The following NCAM2 variants were observed in gnomAD, a reference collection of about 807,000 sequenced individuals.
The protein encoded by NCAM2 is neural cell adhesion molecule 2, also known as N-CAM-2.
Under a neutral mutation model 98.1 loss-of-function variants are expected in NCAM2, and 30 were observed. The ratio of observed to expected loss-of-function variants is 0.31; its 90% CI spans 0.23 to 0.41. The LOEUF is 0.41. Ranked by LOEUF, NCAM2 falls within the 10% of genes least tolerant of loss-of-function variation. NCAM2 has a pLI of 1.00. For missense variants in NCAM2, 867 were observed against 1,005.8 expected (o/e 0.86, Z 1.87); for synonymous variants, 368 against 342.4 (o/e 1.07, Z -0.83).
intron 9 of NCAM2, among the ~76,000 whole-genome samples, chr21:21,407,852 C>T (rs148921287): frequency 8.5e-5 from 13 of 152,148 alleles, no homozygotes; most frequent in East Asian, 3.9e-4. Flanking sequence ...AAGATATAGA[C>T]GTAAACTTAG....
intron 15 of NCAM2, among the ~76,000 whole-genome samples, chr21:21,496,484 T>C (rs1987244604): frequency 1.3e-5 from 2 of 152,110 alleles, no homozygotes; most frequent in African/African-American, 4.8e-5. Context: ...GCTGGTTGAT[T>C]TAAGTTCCCC....
At chr21:21,202,469 TGC>T (rs994688425) in intron 1 of NCAM2, among the ~76,000 whole-genome samples, 6 of 121,976 alleles carry the variant, frequency 4.9e-5, no homozygotes, top group Admixed American at 4.7e-4. Flanking sequence ...CAGGCTGGAG[TGC>T]AATGGTGCAA....
intron 9 of NCAM2, among the ~76,000 whole-genome samples, chr21:21,386,241 T>C (rs1400570236): frequency 6.6e-6 from 1 of 152,190 alleles, no homozygotes; most frequent in Non-Finnish European, 1.5e-5. Flanking sequence ...GTAAATAAGA[T>C]GTGAACATAA....
In NCAM2 at chr21:21,466,735, C is replaced by T; in HGVS notation, c.1774+10C>T. 1 of 1,591,810 alleles carries T rather than the reference C, an allele frequency of 6.3e-7. No individual in the cohort carries two copies. The highest frequency in any genetic ancestry group is 8.5e-7 in the Non-Finnish European group (1 of 1,170,072). On this transcript the variant is annotated intron_variant, in intron 13 of 17. Coordinates refer to ENST00000400546, the MANE Select transcript of NCAM2 (RefSeq NM_004540.5). ...CAAACATTACCAGTTCGTAAGTAAT[C>T]ATCTCTATTTTTTATTCTCTTTTGT...
At chr21:21,378,330 C>G (rs889130650) in intron 9 of NCAM2, among the ~76,000 whole-genome samples, 20 of 152,014 alleles carry the variant, frequency 1.3e-4, no homozygotes, top group African/African-American at 4.8e-4. Flanking sequence ...TCTACTTCCT[C>G]TTCAGTACTT....
At chr21:21,304,975 G>A (rs1041553235) in intron 5 of NCAM2, among the ~76,000 whole-genome samples, 3 of 152,050 alleles carry the variant, frequency 2.0e-5, no homozygotes, top group African/African-American at 4.8e-5. Context: ...ATTTATTATA[G>A]TAGTTCATAA....
chr21:21,330,442 A>G (rs1461573902), intron 6 of NCAM2, among the ~76,000 whole-genome samples: 1 of 152,054 alleles, frequency 6.6e-6, no homozygotes, highest in Non-Finnish European at 1.5e-5. Flanking sequence ...TATATTTCAT[A>G]AATATTACTG....
chr21:21,358,393 T>C (rs1177736944), intron 8 of NCAM2, among the ~76,000 whole-genome samples: 1 of 152,066 alleles, frequency 6.6e-6, no homozygotes, highest in East Asian at 1.9e-4. Context: ...ATTTTGAAAA[T>C]GTCCAGAAAT....
At chr21:21,125,025 C>G (rs139270057) in intron 1 of NCAM2, among the ~76,000 whole-genome samples, 3 of 151,998 alleles carry the variant, frequency 2.0e-5, no homozygotes, top group Non-Finnish European at 4.4e-5. Flanking sequence ...AATAAATGCT[C>G]AAAACTCACC....
chr21:21,516,405 A>C (rs1379114843), intron 16 of NCAM2, among the ~76,000 whole-genome samples: 2 of 152,116 alleles, frequency 1.3e-5, no homozygotes, highest in Non-Finnish European at 2.9e-5. Flanking sequence ...CTAAGGCAGA[A>C]GTAATCATTA....
Position 21,410,406 on chromosome 21 carries a change from C to T in NCAM2, c.1328C>T (p.Ala443Val). The T allele has an allele frequency of 1.9e-6, 3 of 1,596,052 alleles. No homozygotes were observed. Among genetic ancestry groups the T allele is most frequent in the Non-Finnish European group, 2.6e-6 (3 of 1,170,892 alleles). Residue 443 changes from alanine (A) to valine (V), a missense_variant, in exon 10 of 18, where the codon GCT becomes GTT. Physicochemically the swap from Ala to Val is moderately conservative, Grantham distance 64. Transcript: ENST00000400546. ...HWRRDKLVLP[A>V]KNTTNLKTYS... ...AGAAGAGATAAATTAGTCTTACCTG[C>T]TAAAAACACGACCAATTTAAAGACT...
intron 1 of NCAM2, among the ~76,000 whole-genome samples, chr21:21,110,913 C>T (rs556124694): frequency 6.6e-6 from 1 of 152,056 alleles, no homozygotes; most frequent in South Asian, 2.1e-4. Flanking sequence ...GGAAAAAGGG[C>T]TCCTGGACAT....
chr21:21,247,678 A>G (rs1442313210), intron 1 of NCAM2, among the ~76,000 whole-genome samples: 5 of 152,194 alleles, frequency 3.3e-5, no homozygotes, highest in African/African-American at 1.2e-4. Context: ...CTATGTAATT[A>G]CAGTATTACG....
chr21:21,478,678 T>C (rs750232522), intron 15 of NCAM2, among the ~76,000 whole-genome samples: 11 of 152,232 alleles, frequency 7.2e-5, no homozygotes, highest in Non-Finnish European at 1.5e-4. Context: ...AAGTAAAAAG[T>C]CCCTGGAAAT....
intron 1 of NCAM2, among the ~76,000 whole-genome samples, chr21:21,041,745 CAG>C (rs1015953852): frequency 2.0e-5 from 3 of 152,262 alleles, no homozygotes; most frequent in Admixed American, 1.3e-4. Flanking sequence ...TATATAGTAA[CAG>C]AGAGAGAAAG....
At chr21:21,001,690 A>G (rs928172406) in intron 1 of NCAM2, among the ~76,000 whole-genome samples, 4 of 152,224 alleles carry the variant, frequency 2.6e-5, no homozygotes, top group Non-Finnish European at 4.4e-5. Context: ...CATATGTAAG[A>G]TAGAAGCACT....
intron 1 of NCAM2, among the ~76,000 whole-genome samples, chr21:21,078,668 A>C (rs1327029859): frequency 6.6e-6 from 1 of 152,230 alleles, no homozygotes; most frequent in Non-Finnish European, 1.5e-5. Flanking sequence ...CATTTGACCC[A>C]GCAATCCCAT....
chr21:21,534,079 C>A (rs998093136), intron 16 of NCAM2, among the ~76,000 whole-genome samples: 5 of 151,736 alleles, frequency 3.3e-5, no homozygotes, highest in Non-Finnish European at 7.4e-5. Context: ...ATAAAAGCAA[C>A]CCTTCTGAAG....
At chr21:21,332,131 C>T (rs916046716) in intron 6 of NCAM2, among the ~76,000 whole-genome samples, 1 of 152,012 alleles carries the variant, frequency 6.6e-6, no homozygotes, top group East Asian at 1.9e-4. Flanking sequence ...TCTGTAACTC[C>T]TGACCTTGTG....
Sources: allele counts gnomAD v4.1 joint callset (sites outside exome capture counted in the v4.1 genomes callset), GRCh38; gene constraint gnomAD v4.1.1; transcripts MANE v1.5; gene names NCBI Gene and HGNC (gene_info 2026-07-23, HGNC 2026-07-21).